PIK3R5: variants seen among roughly 807,000 people sequenced by gnomAD.
PIK3R5 encodes phosphoinositide-3-kinase regulatory subunit 5.
In PIK3R5, 32 loss-of-function variants were observed where a neutral mutation model predicts 94.9. That is an observed-to-expected ratio of 0.34 (90% CI 0.25 to 0.45). PIK3R5 has a LOEUF of 0.45. PIK3R5 is among the 20% of genes least tolerant of loss of function. The pLI, the probability that PIK3R5 is intolerant of heterozygous loss-of-function variation, is 1.00. For missense variants in PIK3R5, 853 were observed against 1,144.6 expected (o/e 0.75, Z 3.68); for synonymous variants, 443 against 479.4 (o/e 0.92, Z 0.99).
chr17:8,916,214 GGCTCACCACCCACCCCTTTGACAC>G (rs2090626370), intron 1 of PIK3R5: 1 of 152,278 alleles, frequency 6.6e-6, no homozygotes, highest in Non-Finnish European at 1.5e-5. Context: ...CAGCACACCG[GGCTCACCACCCACCCCTTTGACAC>G]GCTCATTTCC....
chr17:8,925,196 GTAGA>G lies in PIK3R5; in HGVS notation c.-13-13693_-13-13690del, dbSNP rs2090850976. Reference sequence around the variant, plus strand: ...AGATGGGTAGATAGATAGACAGAAAGTAGATGGATAGATAGATAGATAGTAGATG... The same window carrying G: ...AGATGGGTAGATAGATAGACAGAAAGTGGATAGATAGATAGATAGTAGATG... On this transcript the variant is annotated intron_variant, in intron 1 of 18. Coordinates refer to ENST00000447110, the MANE Select transcript of PIK3R5 (RefSeq NM_001142633.3). This position sits in a 1 kb window ranked among gnomAD's most constrained non-coding sequence, Gnocchi z 5.1. Among the ~76,000 whole-genome samples, 1 of 151,770 alleles carries G rather than the reference GTAGA, an allele frequency of 6.6e-6. No individual in the cohort carries two copies. The highest frequency in any genetic ancestry group is 1.5e-5 in the Non-Finnish European group (1 of 67,976).
chr17:8,919,132 T>C (rs78427353), intron 1 of PIK3R5, among the ~76,000 whole-genome samples: 9,478 of 152,260 alleles, frequency 0.062, 413 homozygotes, highest in Non-Finnish European at 0.087. Context: ...GATCCTGTAC[T>C]GAATTGTAGA....
intron 5 of PIK3R5, among the ~76,000 whole-genome samples, chr17:8,899,465 T>G (rs1219185685): frequency 1.3e-5 from 2 of 152,174 alleles, no homozygotes; most frequent in African/African-American, 2.4e-5. Flanking sequence ...TAGGCCAACA[T>G]TAATCCTCAC....
intron 1 of PIK3R5, among the ~76,000 whole-genome samples, chr17:8,930,517 A>T (rs1484454643): frequency 6.6e-6 from 1 of 152,208 alleles, no homozygotes; most frequent in Non-Finnish European, 1.5e-5. Context: ...TGTGCTCCTG[A>T]GCGTTTATCT....
At chr17:8,950,762 G>A (rs1458446793) in intron 1 of PIK3R5, among the ~76,000 whole-genome samples, 1 of 152,158 alleles carries the variant, frequency 6.6e-6, no homozygotes, top group Non-Finnish European at 1.5e-5. Context: ...GAACACATGT[G>A]AGTACATGTG....
chr17:8,880,749 C>G lies in PIK3R5; in HGVS notation c.2533G>C (p.Asp845His), dbSNP rs373411680. ...GGCGTCTGGGGTGGTGAGGAGAGGT[C>G]GCTCTTCTCTGGCTTGTAGCACGGT... ...VSPCYKPEKS[D>H]LSSPPQTPPD... The change falls in exon 19 of 19, where the codon GAC becomes CAC. Residue 845 changes from aspartate to histidine, a missense_variant. Asp to His is a moderately conservative substitution (Grantham distance 81). Around this residue, in one of 6 missense-constraint regions of PIK3R5, gnomAD observed 91 missense variants for 90.5 expected, o/e 1.01. Transcript: ENST00000447110. 6.2e-7 allele frequency: 1 copy of G among 1,613,832 alleles called. No individual in the cohort carries two copies. The highest frequency in any genetic ancestry group is 2.2e-5 in the East Asian group (1 of 44,868).
At position 8,890,044 on chromosome 17, in the gene PIK3R5, G is replaced by A. The variant is rs1475609979; in HGVS notation, c.740C>T (p.Ala247Val). Residue 247 changes from alanine to valine, a missense_variant, in exon 8 of 19, where the codon GCA becomes GTA. By Grantham distance (64) the Ala-to-Val change is moderately conservative (BLOSUM62 0). Transcript: ENST00000447110. This position sits in a 1 kb window ranked among gnomAD's most constrained non-coding sequence, Gnocchi z 6.1. ...GGTCCTGAGCCACCGCCGGGCCTCT[G>A]CAGCATCCCCGATGCCAGATGCCAG... is the stretch of plus-strand genomic sequence containing the variant. ...QELASGIGDAAEARRWLRTKL... is the reference protein window; with the variant it reads ...QELASGIGDAVEARRWLRTKL... 6.2e-7 allele frequency: 1 copy of A among 1,614,030 alleles called. No individual in the cohort carries two copies. Among genetic ancestry groups the A allele is most frequent in the Non-Finnish European group, 8.5e-7 (1 of 1,179,990 alleles).
intron 1 of PIK3R5, among the ~76,000 whole-genome samples, chr17:8,960,334 C>T (rs890354718): frequency 1.3e-5 from 2 of 152,218 alleles, no homozygotes; most frequent in African/African-American, 4.8e-5. Flanking sequence ...AGAAACCTTT[C>T]CTTAACCCCT....
intron 1 of PIK3R5, among the ~76,000 whole-genome samples, chr17:8,937,537 T>C (rs1034329751): frequency 6.6e-6 from 1 of 152,240 alleles, no homozygotes; most frequent in Non-Finnish European, 1.5e-5. Context: ...ACTACGTTAG[T>C]TGACTTTCAA....
rs1362561625 is a variant in PIK3R5 at position 8,955,047 on chromosome 17, C to G, written c.-14+10549G>C. The stretch of plus-strand genomic sequence containing the variant: ...GTCTGAAGCAGCCCAGAGGAGGACA[C>G]CTGCCTTGTCCCACAGTGGATCACA... On this transcript the variant is annotated intron_variant, in intron 1 of 18. Coordinates refer to ENST00000447110, the MANE Select transcript of PIK3R5 (RefSeq NM_001142633.3). This position sits in a 1 kb window ranked among gnomAD's most constrained non-coding sequence, Gnocchi z 4.4. Among the ~76,000 whole-genome samples, 1 of 152,078 alleles carries G rather than the reference C, an allele frequency of 6.6e-6. No homozygotes were observed. The highest frequency in any genetic ancestry group is 1.5e-5 in the Non-Finnish European group (1 of 68,014).
rs1247257041 is a variant in PIK3R5 at position 8,896,866 on chromosome 17, G to A, written c.413-3211C>T. 6.6e-6 allele frequency among the ~76,000 whole-genome samples: 1 copy of A among 152,168 alleles called. No individual in the cohort carries two copies. The highest frequency in any genetic ancestry group is 1.5e-5 in the Non-Finnish European group (1 of 68,026). ...TACAAGGGGAACACCAAGATTCCAC[G>A]GAATCAACAGGGTGGAAGCAGAGCC... On this transcript the variant is annotated intron_variant, in intron 5 of 18. Coordinates refer to ENST00000447110, the MANE Select transcript of PIK3R5 (RefSeq NM_001142633.3). The surrounding 1 kb of genome is among the most constrained non-coding windows in gnomAD (Gnocchi z 4.0).
intron 1 of PIK3R5, among the ~76,000 whole-genome samples, chr17:8,959,157 G>A (rs1196994330): frequency 6.6e-6 from 1 of 152,118 alleles, no homozygotes; most frequent in African/African-American, 2.4e-5. Flanking sequence ...TCATGAGATG[G>A]CCCCCAGCAC....
Position 8,889,208 on chromosome 17 carries a change from C to T in PIK3R5, c.826G>A (p.Gly276Arg). The change falls in exon 9 of 19, where the codon GGG becomes AGG. Residue 276 changes from glycine (G) to arginine (R), a missense_variant. Gly to Arg is a moderately radical substitution (Grantham distance 125). Around this residue, in one of 6 missense-constraint regions of PIK3R5, gnomAD observed 161 missense variants for 249.5 expected, o/e 0.65. Coordinates refer to ENST00000447110, the MANE Select transcript of PIK3R5 (RefSeq NM_001142633.3). This position sits in a 1 kb window ranked among gnomAD's most constrained non-coding sequence, Gnocchi z 4.1. ...GGGATGGGGATGGTGTGGAGCTTCC[C>T]TGGTTTTGCAGTGTCTGTAAGAACA... is the stretch of plus-strand genomic sequence containing the variant. Reference protein sequence around the residue: ...FPGVLDTAKPGKLHTIPIPVA... With the variant: ...FPGVLDTAKPRKLHTIPIPVA... 6.2e-7 allele frequency: 1 copy of T among 1,613,838 alleles called. No individual in the cohort carries two copies. The highest frequency in any genetic ancestry group is 1.1e-5 in the South Asian group (1 of 91,050).
At chr17:8,964,846 C>G (rs914753360) in intron 1 of PIK3R5, among the ~76,000 whole-genome samples, 1 of 152,230 alleles carries the variant, frequency 6.6e-6, no homozygotes, top group Non-Finnish European at 1.5e-5. Flanking sequence ...CCCCTCCTCT[C>G]TACTCCGAGT....
At chr17:8,963,588 A>G (rs781560120) in intron 1 of PIK3R5, among the ~76,000 whole-genome samples, 18 of 150,854 alleles carry the variant, frequency 1.2e-4, no homozygotes, top group Non-Finnish European at 1.9e-4. Context: ...GCCAGGCTAT[A>G]GCGCAGTGAA....
Position 8,901,532 on chromosome 17 carries a change from C to G in PIK3R5, c.412+3245G>C, listed in dbSNP as rs147044117. 1.7e-3 allele frequency among the ~76,000 whole-genome samples: 254 copies of G among 152,256 alleles called. 1 individual carries two copies. The highest frequency in any genetic ancestry group is 3.4e-3 in the Middle Eastern group (1 of 294). On this transcript the variant is annotated intron_variant, in intron 5 of 18. Coordinates refer to ENST00000447110, the MANE Select transcript of PIK3R5 (RefSeq NM_001142633.3). ...AACACTTCCAAAGAAATTTACAAGC[C>G]AGTCTTGAGCTTTCTAGGGTCCATA...
Position 8,932,034 on chromosome 17 carries a change from T to G in PIK3R5, c.-13-20527A>C, listed in dbSNP as rs139884031. ...AATGCCTAGAATACACTGAAAAAATTACTAGACAGATGAAGATGAAGAAAA... is the reference window on the plus strand; with the variant it reads ...AATGCCTAGAATACACTGAAAAAATGACTAGACAGATGAAGATGAAGAAAA... On this transcript the variant is annotated intron_variant, in intron 1 of 18. Transcript: ENST00000447110. Among the ~76,000 whole-genome samples, 41 of 152,212 alleles carry G rather than the reference T, an allele frequency of 2.7e-4. 1 individual carries two copies. Among genetic ancestry groups the G allele is most frequent in the South Asian group, 6.2e-4 (3 of 4,818 alleles).
intron 1 of PIK3R5, among the ~76,000 whole-genome samples, chr17:8,913,153 C>A (rs1336270905): frequency 2.0e-5 from 3 of 152,148 alleles, no homozygotes. Flanking sequence ...GTGGGGACCC[C>A]CCTCCAGGGT....
chr17:8,887,577 G>C lies in PIK3R5; in HGVS notation c.1723C>G (p.Pro575Ala). 1 of 1,609,362 alleles carries C rather than the reference G, an allele frequency of 6.2e-7. No homozygotes were observed. The highest frequency in any genetic ancestry group is 8.5e-7 in the Non-Finnish European group (1 of 1,178,048). ...GGGGGTGAGGGCGTCTGGCTCCGAG[G>C]GGGTGGACAGGCACCAGGGCTGGTC... ...HGTSPGACPP[P>A]RSQTPSPPTD... The change falls in exon 11 of 19, where the codon CCT becomes GCT. Residue 575 changes from proline (P) to alanine (A), a missense_variant. This residue lies in a region of PIK3R5 where 319 missense variants were observed against 339.8 expected (regional missense o/e 0.94). Coordinates refer to ENST00000447110, the MANE Select transcript of PIK3R5 (RefSeq NM_001142633.3).
Sources: gnomAD v4.1 joint callset for allele counts (sites outside exome capture counted in the v4.1 genomes callset) on GRCh38, gnomAD v4.1.1 for gene constraint, gnomAD v4.1.1 regional missense constraint, Gnocchi (gnomAD v3.1) non-coding constraint, MANE v1.5 for transcripts, NCBI Gene and HGNC (gene_info 2026-07-23, HGNC 2026-07-21) for gene names.